The following TRPS1 variants were observed in gnomAD, a reference collection of about 807,000 sequenced individuals.
TRPS1 encodes the protein zinc finger transcription factor Trps1.
A neutral mutation model predicts 101.2 loss-of-function variants in TRPS1; 6 were observed. The ratio of observed to expected loss-of-function variants is 0.06; its 90% CI spans 0.03 to 0.12. The LOEUF (loss-of-function observed/expected upper bound fraction) is 0.12. Among genes scored for constraint, TRPS1 ranks in the 10% least tolerant of loss-of-function variants. TRPS1 has a pLI of 1.00. For missense variants in TRPS1, 1,363 were observed against 1,567.0 expected, an observed-to-expected ratio of 0.87 and a Z score of 2.20; for synonymous variants, 578 against 589.8, an observed-to-expected ratio of 0.98 and a Z score of 0.29.
At chr8:115,416,267 G>A (rs1050327633) in intron 6 of TRPS1, among the ~76,000 whole-genome samples, 1 of 151,702 alleles carries the variant, frequency 6.6e-6, no homozygotes, top group African/African-American at 2.4e-5. Context: ...TAAATCCATG[G>A]ATAAGACTAT....
intron 5 of TRPS1, among the ~76,000 whole-genome samples, chr8:115,529,735 A>G (rs1490164120): frequency 6.6e-6 from 1 of 152,122 alleles, no homozygotes; most frequent in East Asian, 1.9e-4. Context: ...ATTTTGTGCC[A>G]ACAATGCCCA....
chr8:115,618,151 C>A (rs1419935295), intron 3 of TRPS1, among the ~76,000 whole-genome samples: 2 of 152,032 alleles, frequency 1.3e-5, no homozygotes, highest in African/African-American at 4.8e-5. Context: ...TTCATTAGTT[C>A]TCTGGGTACT....
chr8:115,609,888 A>T (rs1284810237), intron 3 of TRPS1, among the ~76,000 whole-genome samples: 1 of 152,250 alleles, frequency 6.6e-6, no homozygotes, highest in Non-Finnish European at 1.5e-5. Context: ...GTTTTACCGT[A>T]GAAGTGAAGA....
At chr8:115,455,930 G>A (rs996919747) in intron 5 of TRPS1, among the ~76,000 whole-genome samples, 3 of 150,752 alleles carry the variant, frequency 2.0e-5, no homozygotes, top group Non-Finnish European at 3.0e-5. Context: ...GACTACAGGC[G>A]CCCGCCACTA....
At chr8:115,476,619 T>C (rs529989913) in intron 5 of TRPS1, among the ~76,000 whole-genome samples, 33 of 152,294 alleles carry the variant, frequency 2.2e-4, no homozygotes, top group Admixed American at 3.9e-4. Context: ...GTAATTCTGA[T>C]TGAAAATGCA....
intron 5 of TRPS1, among the ~76,000 whole-genome samples, chr8:115,461,353 G>A (rs1240365106): frequency 6.6e-6 from 1 of 151,782 alleles, no homozygotes; most frequent in Admixed American, 6.6e-5. Context: ...ACCCACACAA[G>A]TAGGTAGATA....
intron 5 of TRPS1, among the ~76,000 whole-genome samples, chr8:115,451,893 A>G (rs1362383391): frequency 1.3e-5 from 2 of 152,186 alleles, no homozygotes; most frequent in Non-Finnish European, 2.9e-5. Flanking sequence ...AATACAGGAA[A>G]TGAACACAAG....
rs117166324 is a variant in TRPS1, at chr8:115,408,785, T to A, written c.*5238A>T. On this transcript the variant is annotated 3_prime_UTR_variant, in exon 7 of 7. Coordinates refer to ENST00000395715, the MANE Select transcript of TRPS1 (RefSeq NM_014112.5). ...CATTTTCTGCTGGTGAATATTGCTG[T>A]AAGTTAAATTTTACATTGGCATTTT... The A allele has an allele frequency of 6.5e-3, 985 of 152,374 alleles. 8 individuals carry two copies. Among genetic ancestry groups the A allele is most frequent in the Non-Finnish European group, 7.5e-3 (507 of 67,906 alleles). The allele number at this position is 152,374 out of a possible 1,614,324, so 9.4% of individuals were successfully genotyped here. A position where few individuals can be genotyped will look rare whatever the true frequency, so the allele number is the denominator to read the frequency against.
At chr8:115,583,888 C>G (rs1817507915) in intron 5 of TRPS1, among the ~76,000 whole-genome samples, 1 of 151,938 alleles carries the variant, frequency 6.6e-6, no homozygotes, top group African/African-American at 2.4e-5. Flanking sequence ...AAGCCAAACA[C>G]TGACCCTGAC....
At chr8:115,629,970 C>A (rs998044688) in intron 1 of TRPS1, among the ~76,000 whole-genome samples, 9 of 151,818 alleles carry the variant, frequency 5.9e-5, no homozygotes, top group African/African-American at 1.9e-4. Context: ...GCTTTACAGG[C>A]TTTTGAATTT....
chr8:115,663,669 A>G (rs1239840900), intron 1 of TRPS1, among the ~76,000 whole-genome samples: 5 of 131,144 alleles, frequency 3.8e-5, no homozygotes, highest in African/African-American at 1.7e-4. Context: ...TTTGAAGTAC[A>G]TAGATAATTT....
intron 1 of TRPS1, among the ~76,000 whole-genome samples, chr8:115,660,321 T>C (rs1811763155): frequency 6.6e-6 from 1 of 152,036 alleles, no homozygotes; most frequent in African/African-American, 2.4e-5. Context: ...TAAAAACAGC[T>C]CTGAAATCCT....
chr8:115,601,525 C>A (rs1463062106), intron 4 of TRPS1, among the ~76,000 whole-genome samples: 1 of 7,070 alleles, frequency 1.4e-4, no homozygotes, highest in Non-Finnish European at 2.5e-4. Context: ...AACTCAGAAA[C>A]AGATTAGAGA....
At chr8:115,475,610 T>C (rs1586311660) in intron 5 of TRPS1, among the ~76,000 whole-genome samples, 1 of 152,078 alleles carries the variant, frequency 6.6e-6, no homozygotes, top group Non-Finnish European at 1.5e-5. Context: ...GAAAGCTTAT[T>C]AAGCTAAGAA....
At chr8:115,447,675 T>A (rs952666804) in intron 5 of TRPS1, among the ~76,000 whole-genome samples, 12 of 151,702 alleles carry the variant, frequency 7.9e-5, no homozygotes, top group Admixed American at 2.0e-4. Context: ...TGTCATATTT[T>A]TATATATATA....
intron 5 of TRPS1, among the ~76,000 whole-genome samples, chr8:115,551,406 A>ATGTAG (rs1283949526): frequency 5.3e-5 from 8 of 152,152 alleles, no homozygotes; most frequent in African/African-American, 1.4e-4. Flanking sequence ...TATACTTATG[A>ATGTAG]TGTAGTGTTT....
intron 5 of TRPS1, among the ~76,000 whole-genome samples, chr8:115,516,181 T>C (rs1815706012): frequency 1.8e-4 from 1 of 5,674 alleles, no homozygotes; most frequent in South Asian, 0.013. Context: ...AAGAAAATTA[T>C]CACCGTAGGT....
In TRPS1 at chr8:115,410,670, A is replaced by T. The variant is rs1812768116; in HGVS notation, c.*3353T>A. ...TTTTTCTATCCCAAACAACAGAATG[A>T]ATACAGAGGTGAGTGATGAGAGAAA... On this transcript the variant is annotated 3_prime_UTR_variant, in exon 7 of 7. Transcript: ENST00000395715. 1 of 152,530 alleles carries T rather than the reference A, an allele frequency of 6.6e-6. No homozygotes were observed. The highest frequency in any genetic ancestry group is 2.4e-5 in the African/African-American group (1 of 41,432). The allele number at this position is 152,530 out of a possible 1,614,324, so 9.4% of individuals were successfully genotyped here.
rs1817585282 is a variant in TRPS1, at chr8:115,587,310, A to C, written c.2391T>G (p.Ser797Arg). Residue 797 changes from serine (S) to arginine (R), a missense_variant, in exon 5 of 7, where the codon AGT (serine) becomes AGG (arginine). By Grantham distance (110) the Ser-to-Arg change is moderately radical. Around this residue, in one of 5 missense-constraint regions of TRPS1, gnomAD observed 1,020 missense variants for 1,073.0 expected, o/e 0.95. Transcript: ENST00000395715. ...TCACATTGCGAAGGTCATCACTGGA[A>C]CTCTCGGTCCAAACTTTCTCTTTGA... The part of the protein sequence containing the change: ...DGLKEKVWTE[S>R]SSDDLRNVTW... 1 of 1,613,556 alleles carries C rather than the reference A, an allele frequency of 6.2e-7. No individual in the cohort carries two copies. Among genetic ancestry groups the C allele is most frequent in the African/African-American group, 1.3e-5 (1 of 74,750 alleles).
Sources: gnomAD v4.1 joint callset for allele counts (sites outside exome capture counted in the v4.1 genomes callset) on GRCh38, gnomAD v4.1.1 for gene constraint, gnomAD v4.1.1 regional missense constraint, MANE v1.5 for transcripts, NCBI Gene and HGNC (gene_info 2026-07-23, HGNC 2026-07-21) for gene names.